The following NKAIN2 variants were observed in gnomAD, a reference collection of about 807,000 sequenced individuals.
NKAIN2 encodes sodium/potassium-transporting ATPase subunit beta-1-interacting protein 2.
A neutral mutation model predicts 32.6 loss-of-function variants in NKAIN2; 14 were observed. That is an observed-to-expected ratio of 0.43 (90% CI 0.28 to 0.67). The LOEUF is 0.67. NKAIN2 is among the 30% of genes least tolerant of loss of function. The probability of loss-of-function intolerance (pLI) is 0.17; values close to 1 mark genes in which losing one functional copy is unlikely to be tolerated. For missense variants in NKAIN2, 198 were observed against 258.3 expected (o/e 0.77, Z 1.60); for synonymous variants, 80 against 87.2 (o/e 0.92, Z 0.46).
chr6:124,605,245 G>A (rs1782455222), intron 3 of NKAIN2, among the ~76,000 whole-genome samples: 1 of 152,000 alleles, frequency 6.6e-6, no homozygotes, highest in Admixed American at 6.6e-5. Flanking sequence ...TTATTCGCTG[G>A]GTCTGTGAGA....
At chr6:124,813,254 G>A (rs532469592) in intron 5 of NKAIN2, among the ~76,000 whole-genome samples, 2 of 152,174 alleles carry the variant, frequency 1.3e-5, no homozygotes, top group African/African-American at 4.8e-5. Context: ...GGTAGTTTCT[G>A]ATAAGTTATT....
chr6:124,051,982 G>A (rs1439740671), intron 1 of NKAIN2, among the ~76,000 whole-genome samples: 1 of 152,020 alleles, frequency 6.6e-6, no homozygotes, highest in Non-Finnish European at 1.5e-5. Flanking sequence ...CTGCCTGGGA[G>A]GGGCCAAGAA....
chr6:124,569,208 G>A (rs765881435), intron 3 of NKAIN2, among the ~76,000 whole-genome samples: 1 of 151,934 alleles, frequency 6.6e-6, no homozygotes, highest in Non-Finnish European at 1.5e-5. Context: ...TTTCTATCTT[G>A]GAATTCTTTT....
At chr6:124,398,252 CAAAAAAAAAAAAAAAA>C (rs869039720) in intron 3 of NKAIN2, among the ~76,000 whole-genome samples, 1 of 69,092 alleles carries the variant, frequency 1.4e-5, no homozygotes, top group African/African-American at 7.7e-5. Context: ...GACTGCATCT[CAAAAAAAAAAAAAAAA>C]AAAAAAAAAA....
At position 124,190,118 on chromosome 6, in the gene NKAIN2, A is replaced by G. The variant is rs150088997; in HGVS notation, c.55-92887A>G. On this transcript the variant is annotated intron_variant, in intron 1 of 6. Transcript: ENST00000368417. ...TAGTAAACAATTCAGACCTTGGCCC[A>G]TAGACAGGGTTACACGTATGGTGGC... Among the ~76,000 whole-genome samples the G allele has an allele frequency of 7.1e-3, 1,079 of 152,326 alleles. 32 individuals are homozygous for G. The highest frequency in any genetic ancestry group is 0.07 in the East Asian group (365 of 5,180).
intron 4 of NKAIN2, among the ~76,000 whole-genome samples, chr6:124,725,756 A>T (rs543524182): frequency 6.6e-6 from 1 of 152,188 alleles, no homozygotes; most frequent in Admixed American, 6.5e-5. Flanking sequence ...AGTGTGAGCG[A>T]CGCAGAAGAC....
At chr6:124,116,967 T>C (rs1785646589) in intron 1 of NKAIN2, among the ~76,000 whole-genome samples, 1 of 152,110 alleles carries the variant, frequency 6.6e-6, no homozygotes, top group South Asian at 2.1e-4. Context: ...CAGATCATTT[T>C]GGAAGTATGT....
intron 3 of NKAIN2, among the ~76,000 whole-genome samples, chr6:124,466,046 G>A (rs943430050): frequency 6.6e-6 from 1 of 151,776 alleles, no homozygotes; most frequent in African/African-American, 2.4e-5. Flanking sequence ...TCTTTCATAG[G>A]TTTAAAATCT....
At chr6:124,270,434 T>C (rs1210732488) in intron 1 of NKAIN2, among the ~76,000 whole-genome samples, 2 of 152,186 alleles carry the variant, frequency 1.3e-5, no homozygotes, top group African/African-American at 4.8e-5. Flanking sequence ...AAAATCTGTA[T>C]TTTTACCTAG....
At chr6:124,043,912 G>A (rs1056759774) in intron 1 of NKAIN2, among the ~76,000 whole-genome samples, 12 of 152,014 alleles carry the variant, frequency 7.9e-5, no homozygotes, top group Admixed American at 5.3e-4. Flanking sequence ...CCTGGTGAAC[G>A]GAAAGTAAGA....
At chr6:124,720,235 G>T (rs1427298246) in intron 4 of NKAIN2, among the ~76,000 whole-genome samples, 1 of 152,144 alleles carries the variant, frequency 6.6e-6, no homozygotes, top group Non-Finnish European at 1.5e-5. Flanking sequence ...AGTCATAGAT[G>T]GGAAGAGAGT....
chr6:124,325,953 G>A (rs1214492472), intron 2 of NKAIN2, among the ~76,000 whole-genome samples: 1 of 151,950 alleles, frequency 6.6e-6, no homozygotes, highest in Non-Finnish European at 1.5e-5. Context: ...TCTCTTTTAA[G>A]AAAGTTTTAT....
chr6:124,610,807 G>T (rs747127131), intron 3 of NKAIN2, among the ~76,000 whole-genome samples: 2 of 152,072 alleles, frequency 1.3e-5, no homozygotes, highest in Non-Finnish European at 2.9e-5. Context: ...ATTTTAAGTG[G>T]CACTTCTGAT....
chr6:124,786,181 C>T (rs551882418), intron 4 of NKAIN2, among the ~76,000 whole-genome samples: 4 of 152,020 alleles, frequency 2.6e-5, no homozygotes, highest in Non-Finnish European at 4.4e-5. Flanking sequence ...TCTTCAGCTC[C>T]AAGTAAGTCT....
chr6:124,349,969 A>G (rs1161173047), intron 2 of NKAIN2, among the ~76,000 whole-genome samples: 1 of 152,226 alleles, frequency 6.6e-6, no homozygotes, highest in Non-Finnish European at 1.5e-5. Context: ...ATTTTATCAT[A>G]CAATAGAATT....
intron 4 of NKAIN2, among the ~76,000 whole-genome samples, chr6:124,732,453 TAATA>T (rs1282118414): frequency 1.3e-5 from 2 of 152,080 alleles, no homozygotes; most frequent in African/African-American, 4.8e-5. Context: ...ATGATTCCAT[TAATA>T]AATGGTCACT....
At chr6:124,654,065 A>C (rs1784455811) in intron 3 of NKAIN2, among the ~76,000 whole-genome samples, 1 of 152,176 alleles carries the variant, frequency 6.6e-6, no homozygotes, top group Non-Finnish European at 1.5e-5. Context: ...TATTTCTAAA[A>C]ATGTTACTTC....
chr6:124,352,225 G>A (rs1398652924), intron 2 of NKAIN2, among the ~76,000 whole-genome samples: 1 of 152,062 alleles, frequency 6.6e-6, no homozygotes, highest in Non-Finnish European at 1.5e-5. Context: ...CCTTTCATAT[G>A]CTTTCATAAA....
At chr6:124,014,503 T>G (rs2114743533) in intron 1 of NKAIN2, among the ~76,000 whole-genome samples, 1 of 152,194 alleles carries the variant, frequency 6.6e-6, no homozygotes, top group South Asian at 2.1e-4. Flanking sequence ...ACATTGACAG[T>G]GTTTCCAGTA....
Sources: allele counts gnomAD v4.1 joint callset (sites outside exome capture counted in the v4.1 genomes callset), GRCh38; gene constraint gnomAD v4.1.1; transcripts MANE v1.5; gene names NCBI Gene and HGNC (gene_info 2026-07-23, HGNC 2026-07-21).